The following FAM114A1 variants were observed in gnomAD, a reference collection of about 807,000 sequenced individuals.
FAM114A1 encodes the protein family with sequence similarity 114 member A1.
In FAM114A1, 62 loss-of-function variants were observed where a neutral mutation model predicts 64.3. The observed-to-expected ratio is 0.96, with a 90% CI of 0.79 to 1.19. The LOEUF (loss-of-function observed/expected upper bound fraction) is 1.19, where lower values mean the gene tolerates loss of function less well. Ranked by LOEUF, FAM114A1 falls within the 50% of genes most tolerant of loss-of-function variation. The pLI is 0.00. For synonymous variants in FAM114A1, 254 were observed against 251.1 expected, an observed-to-expected ratio of 1.01 and a Z score of -0.11; for missense variants, 645 against 676.3, an observed-to-expected ratio of 0.95 and a Z score of 0.51.
Position 38,891,833 on chromosome 4 carries a change from A to G in FAM114A1, c.436+3A>G. The G allele has an allele frequency of 6.2e-7, 1 of 1,610,060 alleles. No individual in the cohort carries two copies. On this transcript the variant is annotated splice_donor_region_variant and intron_variant, in intron 4 of 14. Coordinates refer to ENST00000358869, the MANE Select transcript of FAM114A1 (RefSeq NM_138389.4). ...GTCGTCAGCATCTGCCACAGTAGGT[A>G]AGCATTGTATGTTGCATTGGAATAG...
At chr4:38,883,541 A>C (rs770818683) in intron 3 of FAM114A1, among the ~76,000 whole-genome samples, 6 of 152,198 alleles carry the variant, frequency 3.9e-5, no homozygotes, top group Non-Finnish European at 8.8e-5. Context: ...ATTATGGAGA[A>C]GGTCAAGAAT....
At position 38,929,322 on chromosome 4, in the gene FAM114A1, A is replaced by G. The variant is rs1307625888; in HGVS notation, c.1150A>G (p.Lys384Glu). The change falls in exon 10 of 15, where the codon AAA becomes GAA. Residue 384 changes from lysine to glutamate, a missense_variant. Coordinates refer to ENST00000358869, the MANE Select transcript of FAM114A1 (RefSeq NM_138389.4). The part of the protein sequence containing the change: ...FELHVAATPD[K>E]LNKAMKRAHD... ...ATTACATGTGGCGGCCACACCTGACAAACTCAATAAGGTCAGCACTGTCTG... is the reference window on the plus strand; with the variant it reads ...ATTACATGTGGCGGCCACACCTGACGAACTCAATAAGGTCAGCACTGTCTG... 3.7e-6 allele frequency: 6 copies of G among 1,612,660 alleles called. No individual in the cohort carries two copies. In the South Asian group the frequency reaches 6.6e-5, roughly 18 times the overall value.
At chr4:38,910,030 C>T (rs1003020653) in intron 7 of FAM114A1, among the ~76,000 whole-genome samples, 1 of 151,764 alleles carries the variant, frequency 6.6e-6, no homozygotes, top group Non-Finnish European at 1.5e-5. Context: ...GTCAGGAGTT[C>T]GAGACCAGCC....
intron 13 of FAM114A1, among the ~76,000 whole-genome samples, chr4:38,938,929 A>G (rs1386496509): frequency 6.6e-6 from 1 of 152,210 alleles, no homozygotes; most frequent in Non-Finnish European, 1.5e-5. Context: ...ACCTACTAGT[A>G]TTCATGGTAT....
rs17429619 is a variant in FAM114A1 at position 38,932,238 on chromosome 4, G to A, written c.1327G>A (p.Val443Ile). The A allele has an allele frequency of 0.17, 277,814 of 1,596,864 alleles. 25,658 individuals are homozygous for A. The highest frequency in any genetic ancestry group is 0.27 in the Admixed American group (14,640 of 53,846). ...TGCTTGTGTCTATTCATTTCAGGAA[G>A]TATACATGTCGTCCATTGAAAGTCT... ...EEKKTKTIEE[V>I]YMSSIESLAE... The change falls in exon 12 of 15, where the codon GTA becomes ATA. Residue 443 changes from valine to isoleucine, a missense_variant. Physicochemically the swap from Val to Ile is conservative, Grantham distance 29. Coordinates refer to ENST00000358869, the MANE Select transcript of FAM114A1 (RefSeq NM_138389.4).
chr4:38,925,672 A>C (rs566485284), intron 9 of FAM114A1, among the ~76,000 whole-genome samples: 1 of 152,336 alleles, frequency 6.6e-6, no homozygotes, highest in East Asian at 1.9e-4. Flanking sequence ...AGCAGAGTGT[A>C]ATTTTATCAC....
chr4:38,936,079 TTTTTG>T (rs921937843), intron 13 of FAM114A1, among the ~76,000 whole-genome samples: 1 of 151,088 alleles, frequency 6.6e-6, no homozygotes, highest in Admixed American at 6.6e-5. Flanking sequence ...GTTTGTTTGA[TTTTTG>T]TTTTGTTTTT....
chr4:38,941,980 C>T (rs1721610448), intron 14 of FAM114A1, among the ~76,000 whole-genome samples: 3 of 152,112 alleles, frequency 2.0e-5, no homozygotes, highest in Admixed American at 1.3e-4. Context: ...CTGGGGAGGC[C>T]TCACAGTCAT....
At chr4:38,869,052 T>C (rs1483365835) in intron 2 of FAM114A1, among the ~76,000 whole-genome samples, 1 of 152,252 alleles carries the variant, frequency 6.6e-6, no homozygotes, top group Non-Finnish European at 1.5e-5. Context: ...TTTGTTTATT[T>C]GACCAGGCTT....
At chr4:38,891,028 T>C (rs17582921) in intron 3 of FAM114A1, among the ~76,000 whole-genome samples, 22,742 of 152,210 alleles carry the variant, frequency 0.15, 2,239 homozygotes, top group Middle Eastern at 0.35. Context: ...AACAGGGTCA[T>C]CCACATAGCC....
intron 9 of FAM114A1, among the ~76,000 whole-genome samples, chr4:38,926,777 T>C (rs1360398431): frequency 6.6e-6 from 1 of 152,180 alleles, no homozygotes; most frequent in African/African-American, 2.4e-5. Context: ...TCTCTGAGAC[T>C]GTCTCTCTAT....
At chr4:38,917,188 A>AT (rs1560317374) in intron 8 of FAM114A1, among the ~76,000 whole-genome samples, 8 of 150,458 alleles carry the variant, frequency 5.3e-5, no homozygotes, top group South Asian at 2.1e-4. Flanking sequence ...AAATAAATAA[A>AT]AAAGCTGGGC....
rs34682588 is a variant in FAM114A1, at chr4:38,904,584, CG to C, written c.437-934del. Among the ~76,000 whole-genome samples the C allele has an allele frequency of 4.3e-3, 657 of 152,274 alleles. 8 individuals are homozygous for C. The highest frequency in any genetic ancestry group is 0.014 in the African/African-American group (591 of 41,544). ...TTTATATCATTATTAAGACAACTGTCGGGGCTGTTGGGTGGCCTTCCTGGTT... is the reference window on the plus strand; with the variant it reads ...TTTATATCATTATTAAGACAACTGTCGGGCTGTTGGGTGGCCTTCCTGGTT... On this transcript the variant is annotated intron_variant, in intron 4 of 14. Coordinates refer to ENST00000358869, the MANE Select transcript of FAM114A1 (RefSeq NM_138389.4).
At chr4:38,885,016 C>T (rs974109724) in intron 3 of FAM114A1, among the ~76,000 whole-genome samples, 1 of 152,202 alleles carries the variant, frequency 6.6e-6, no homozygotes, top group Non-Finnish European at 1.5e-5. Flanking sequence ...CCCTCTATCG[C>T]CAGGCTGGAG....
chr4:38,905,427 T>A, intron 4 of FAM114A1, 95 bp from the exon 5 acceptor site: 1 of 901,896 alleles, frequency 1.1e-6, no homozygotes, highest in East Asian at 2.4e-5. Context: ...AAAGATGTAC[T>A]TCTGCAACTT....
At chr4:38,932,105 A>G (rs4833106) in intron 11 of FAM114A1, 130 bp from the exon 12 acceptor site, 323,457 of 1,041,878 alleles carry the variant, frequency 0.31, 54,395 homozygotes, top group South Asian at 0.54. Context: ...GCTTGTAATC[A>G]TCAGGTTAAC....
chr4:38,921,893 T>A (rs112686515), intron 8 of FAM114A1, among the ~76,000 whole-genome samples: 1 of 147,666 alleles, frequency 6.8e-6, no homozygotes, highest in East Asian at 2.0e-4. Context: ...CATCTATAGA[T>A]GCGTATTTAT....
rs200191699 is a variant in FAM114A1 at position 38,929,219 on chromosome 4, C to T, written c.1070-23C>T. The T allele has an allele frequency of 1.5e-4, 241 of 1,563,582 alleles. No homozygotes were observed. In the African/African-American group the frequency reaches 2.9e-3, roughly 19 times the overall value. On this transcript the variant is annotated intron_variant, in intron 9 of 14. Coordinates refer to ENST00000358869, the MANE Select transcript of FAM114A1 (RefSeq NM_138389.4). ...GAAGGATGAAAAATAAATCACGCTT[C>T]TTCTGTCGTGTTCTATTTCTAGGCT...
chr4:38,905,151 C>T (rs942357938), intron 4 of FAM114A1, among the ~76,000 whole-genome samples: 2 of 152,104 alleles, frequency 1.3e-5, no homozygotes, highest in African/African-American at 4.8e-5. Context: ...AATCCCAGCA[C>T]TTTGGGAGGC....
Sources: gnomAD v4.1 joint callset for allele counts (sites outside exome capture counted in the v4.1 genomes callset) on GRCh38, gnomAD v4.1.1 for gene constraint, MANE v1.5 for transcripts, NCBI Gene and HGNC (gene_info 2026-07-23, HGNC 2026-07-21) for gene names.